HTR4: variants seen among roughly 807,000 people sequenced by gnomAD.
HTR4 encodes the protein 5-hydroxytryptamine (serotonin) receptor 4, G protein-coupled.
Under a neutral mutation model 36.8 loss-of-function variants are expected in HTR4, and 16 were observed. That is an observed-to-expected ratio of 0.43 (90% CI 0.29 to 0.66). HTR4 has a LOEUF of 0.66. Ranked by LOEUF, HTR4 falls within the 30% of genes least tolerant of loss-of-function variation. The pLI is 0.13. For synonymous variants in HTR4, 189 were observed against 185.1 expected, an observed-to-expected ratio of 1.02 and a Z score of -0.17; for missense variants, 438 against 490.9, an observed-to-expected ratio of 0.89 and a Z score of 1.02.
intron 5 of HTR4, among the ~76,000 whole-genome samples, chr5:148,513,268 G>A (rs1268564387): frequency 3.3e-5 from 5 of 152,150 alleles, no homozygotes. Context: ...GGGATTACAG[G>A]CCTGAGCCAC....
At chr5:148,637,514 A>G (rs751971540) in intron 1 of HTR4, among the ~76,000 whole-genome samples, 3 of 152,208 alleles carry the variant, frequency 2.0e-5, no homozygotes, top group Admixed American at 1.3e-4. Context: ...TTGAGAATCT[A>G]GTAAACTCTT....
chr5:148,543,045 A>C (rs1328106863), intron 4 of HTR4, among the ~76,000 whole-genome samples: 2 of 152,224 alleles, frequency 1.3e-5, no homozygotes, highest in Non-Finnish European at 2.9e-5. Flanking sequence ...GTTTGACACA[A>C]GCAAAGCCAA....
chr5:148,557,746 T>C (rs1412072691), intron 2 of HTR4, among the ~76,000 whole-genome samples: 2 of 148,914 alleles, frequency 1.3e-5, no homozygotes, highest in East Asian at 1.9e-4. Context: ...AGTGAATATA[T>C]GTATGTATAA....
chr5:148,593,609 T>A (rs1312671636), intron 2 of HTR4, among the ~76,000 whole-genome samples: 1 of 152,178 alleles, frequency 6.6e-6, no homozygotes, highest in African/African-American at 2.4e-5. Context: ...AACCTTCTAA[T>A]TACTGCTTCT....
At chr5:148,640,477 A>G (rs10063196) in intron 1 of HTR4, among the ~76,000 whole-genome samples, 1,731 of 152,296 alleles carry the variant, frequency 0.011, 38 homozygotes, top group African/African-American at 0.04. Flanking sequence ...GACAGTTTGA[A>G]GCTGCTAGTG....
intron 6 of HTR4, among the ~76,000 whole-genome samples, chr5:148,503,299 A>G (rs181423344): frequency 2.1e-4 from 32 of 152,352 alleles, no homozygotes; most frequent in East Asian, 1.2e-3. Context: ...ATCTCTCCGC[A>G]GAAACTCTAC....
intron 5 of HTR4, among the ~76,000 whole-genome samples, chr5:148,465,271 G>C (rs756988377): frequency 1.3e-5 from 2 of 152,162 alleles, no homozygotes; most frequent in Non-Finnish European, 2.9e-5. Context: ...TTCATCAGTT[G>C]TAACTAATTT....
intron 4 of HTR4, among the ~76,000 whole-genome samples, chr5:148,535,881 G>A (rs554897286): frequency 7.4e-4 from 112 of 152,182 alleles, no homozygotes; most frequent in African/African-American, 2.6e-3. Flanking sequence ...AGGAAATATA[G>A]AGAACTCCTG....
chr5:148,456,517 C>A (rs900289480), intron 5 of HTR4, among the ~76,000 whole-genome samples: 5 of 152,130 alleles, frequency 3.3e-5, no homozygotes, highest in African/African-American at 1.2e-4. Flanking sequence ...ATTCAAATCC[C>A]AAATTACCAT....
At chr5:148,453,068 G>A (rs190929584) in intron 5 of HTR4, among the ~76,000 whole-genome samples, 8 of 152,320 alleles carry the variant, frequency 5.3e-5, no homozygotes, top group East Asian at 3.9e-4. Context: ...AAAGGGGCTC[G>A]CTCCTGTGAG....
At chr5:148,626,636 C>T (rs1028266000) in intron 2 of HTR4, among the ~76,000 whole-genome samples, 3 of 152,142 alleles carry the variant, frequency 2.0e-5, no homozygotes, top group Admixed American at 6.5e-5. Flanking sequence ...TGGATACTTC[C>T]TAATTATGCA....
chr5:148,498,502 G>A (rs1222836398), intron 6 of HTR4, among the ~76,000 whole-genome samples: 1 of 152,114 alleles, frequency 6.6e-6, no homozygotes, highest in East Asian at 1.9e-4. Context: ...ATCATCTACT[G>A]TTATACAGAT....
chr5:148,566,242 A>G (rs1373652809), intron 2 of HTR4, among the ~76,000 whole-genome samples: 1 of 152,230 alleles, frequency 6.6e-6, no homozygotes, highest in African/African-American at 2.4e-5. Flanking sequence ...ATAAAACAGT[A>G]AAGCACAAGC....
chr5:148,611,152 G>A (rs1452703276), intron 2 of HTR4, among the ~76,000 whole-genome samples: 47 of 140,584 alleles, frequency 3.3e-4, no homozygotes, highest in Admixed American at 4.2e-4. Flanking sequence ...GCAGGCCAAC[G>A]TTCAGATTCA....
intron 2 of HTR4, chr5:148,628,987 C>A (rs1328695986): frequency 6.6e-6 from 1 of 152,054 alleles, no homozygotes; most frequent in African/African-American, 2.4e-5. Context: ...TCATAAAGAT[C>A]TTGCAATTTT....
chr5:148,613,979 G>A (rs1448476387), intron 2 of HTR4, among the ~76,000 whole-genome samples: 4 of 151,368 alleles, frequency 2.6e-5, no homozygotes, highest in South Asian at 2.1e-4. Context: ...TACAAGGGAT[G>A]TGAAGGACCT....
chr5:148,532,369 G>A (rs1230425659), intron 4 of HTR4, among the ~76,000 whole-genome samples: 1 of 152,208 alleles, frequency 6.6e-6, no homozygotes, highest in Non-Finnish European at 1.5e-5. Context: ...TCTGCTTTGT[G>A]TCCATGATGG....
intron 2 of HTR4, among the ~76,000 whole-genome samples, chr5:148,569,415 C>G (rs890924802): frequency 6.6e-6 from 1 of 151,918 alleles, no homozygotes; most frequent in Admixed American, 6.6e-5. Context: ...GGCTTAATGC[C>G]TATGTGATGA....
chr5:148,611,994 T>C (rs1752453506), intron 2 of HTR4, among the ~76,000 whole-genome samples: 1 of 152,132 alleles, frequency 6.6e-6, no homozygotes, highest in Admixed American at 6.5e-5. Context: ...TAAATATATA[T>C]GCACCCAATA....
Sources: allele counts gnomAD v4.1 joint callset (sites outside exome capture counted in the v4.1 genomes callset), GRCh38; gene constraint gnomAD v4.1.1; transcripts MANE v1.5; gene names NCBI Gene and HGNC (gene_info 2026-07-23, HGNC 2026-07-21).